The following DOCK3 variants were observed in gnomAD, a reference collection of about 807,000 sequenced individuals.
DOCK3 encodes the protein dedicator of cytokinesis 3, also known as dedicator of cytokinesis protein 3.
A neutral mutation model predicts 265.6 loss-of-function variants in DOCK3; 60 were observed. The ratio of observed to expected loss-of-function variants is 0.23; its 90% CI spans 0.18 to 0.28. The LOEUF (loss-of-function observed/expected upper bound fraction) is 0.28. Ranked by LOEUF, DOCK3 falls within the 10% of genes least tolerant of loss-of-function variation. The pLI is 1.00. For missense variants in DOCK3, 1,981 were observed against 2,594.3 expected (o/e 0.76, Z 5.14); for synonymous variants, 881 against 938.0 (o/e 0.94, Z 1.11).
chr3:51,021,819 G>A (rs995949380), intron 5 of DOCK3, among the ~76,000 whole-genome samples: 12 of 151,848 alleles, frequency 7.9e-5, no homozygotes, highest in African/African-American at 2.4e-4. Context: ...CCACCACCAC[G>A]CCTGGCTAAT....
intron 5 of DOCK3, among the ~76,000 whole-genome samples, chr3:51,056,197 T>C (rs945886457): frequency 6.6e-6 from 1 of 152,332 alleles, no homozygotes; most frequent in African/African-American, 2.4e-5. Context: ...TTCGGCAAAC[T>C]AAAATGAAAG....
At chr3:51,024,857 G>C (rs2108903600) in intron 5 of DOCK3, among the ~76,000 whole-genome samples, 1 of 152,322 alleles carries the variant, frequency 6.6e-6, no homozygotes, top group African/African-American at 2.4e-5. Context: ...AATACTAGTA[G>C]TGAACTTGTC....
At chr3:50,690,422 T>C (rs1319132575) in intron 1 of DOCK3, among the ~76,000 whole-genome samples, 1 of 152,108 alleles carries the variant, frequency 6.6e-6, no homozygotes, top group African/African-American at 2.4e-5. Flanking sequence ...GCATGAGCCA[T>C]TGTGCCCTGC....
At position 51,356,208 on chromosome 3, in the gene DOCK3, G is replaced by A; in HGVS notation, c.4369G>A (p.Asp1457Asn). 6.2e-7 allele frequency: 1 copy of A among 1,613,996 alleles called. No individual in the cohort carries two copies. The highest frequency in any genetic ancestry group is 2.2e-5 in the East Asian group (1 of 44,884). Residue 1457 changes from aspartate (D) to asparagine (N), a missense_variant, in exon 42 of 53, where the codon GAC becomes AAC. Physicochemically the swap from Asp to Asn is conservative, Grantham distance 23. Transcript: ENST00000266037. ...CAACAATGTGAGGAAGTTCCGGTATGACAGGCCTTTTCACAAAGGCCCCAA... is the reference window on the plus strand; with the variant it reads ...CAACAATGTGAGGAAGTTCCGGTATAACAGGCCTTTTCACAAAGGCCCCAA... ...RVNNVRKFRY[D>N]RPFHKGPKDK... is the part of the protein sequence containing the mutation.
intron 49 of DOCK3, among the ~76,000 whole-genome samples, chr3:51,370,621 G>T (rs553836047): frequency 5.9e-5 from 9 of 152,352 alleles, no homozygotes; most frequent in East Asian, 1.9e-4. Flanking sequence ...CTCTTGCCAC[G>T]GGGGCAGGTG....
chr3:51,372,109 G>T (rs1385215275), intron 49 of DOCK3, among the ~76,000 whole-genome samples: 2 of 152,156 alleles, frequency 1.3e-5, no homozygotes, highest in Non-Finnish European at 2.9e-5. Context: ...ATGAGAATAG[G>T]TGCTTTTTTC....
chr3:51,077,552 A>G (rs928641206), intron 7 of DOCK3, among the ~76,000 whole-genome samples: 1 of 152,188 alleles, frequency 6.6e-6, no homozygotes, highest in African/African-American at 2.4e-5. Flanking sequence ...ATAGTTGTAG[A>G]TAGATTAAAT....
chr3:51,301,534 T>C (rs969669057), intron 27 of DOCK3, among the ~76,000 whole-genome samples: 3 of 152,206 alleles, frequency 2.0e-5, no homozygotes, highest in Non-Finnish European at 2.9e-5. Context: ...AGCTTTTTGA[T>C]GTGGGCATTT....
intron 2 of DOCK3, among the ~76,000 whole-genome samples, chr3:50,805,842 G>A (rs1427073417): frequency 6.6e-6 from 1 of 152,108 alleles, no homozygotes; most frequent in Non-Finnish European, 1.5e-5. Context: ...TGTTGTGGAT[G>A]TGCACCTGCT....
At chr3:50,796,810 C>T (rs942830638) in intron 2 of DOCK3, among the ~76,000 whole-genome samples, 3 of 151,360 alleles carry the variant, frequency 2.0e-5, no homozygotes, top group South Asian at 2.1e-4. Context: ...GTTTTGATTG[C>T]GGTATAAGGT....
Position 50,785,029 on chromosome 3 carries a change from C to T in DOCK3, c.121+6271C>T, listed in dbSNP as rs544707119. Among the ~76,000 whole-genome samples the T allele has an allele frequency of 1.9e-4, 29 of 152,116 alleles. No individual in the cohort carries two copies. In the South Asian group the frequency reaches 3.5e-3, roughly 19 times the overall value. ...AAAATTAGCTGGGGGTGGTGGTGCA[C>T]GCCTGTAATCCCAGCTACTTGGGAG... On this transcript the variant is annotated intron_variant, in intron 2 of 52. Coordinates refer to ENST00000266037, the MANE Select transcript of DOCK3 (RefSeq NM_004947.5).
chr3:50,924,651 C>A (rs2050669322), intron 4 of DOCK3, among the ~76,000 whole-genome samples: 1 of 152,216 alleles, frequency 6.6e-6, no homozygotes, highest in Admixed American at 6.5e-5. Flanking sequence ...GTTGGCTAAT[C>A]CACTTGGAAT....
intron 2 of DOCK3, among the ~76,000 whole-genome samples, chr3:50,779,474 C>G (rs1191137031): frequency 1.3e-5 from 2 of 152,120 alleles, no homozygotes; most frequent in Non-Finnish European, 1.5e-5. Flanking sequence ...ACCTCTGCCT[C>G]CCAGGTTCAA....
At chr3:51,284,770 C>T (rs1405178287) in intron 27 of DOCK3, among the ~76,000 whole-genome samples, 8 of 152,174 alleles carry the variant, frequency 5.3e-5, no homozygotes, top group African/African-American at 1.9e-4. Flanking sequence ...ACCCATTCTT[C>T]CTGGAAGGCA....
In DOCK3 at chr3:51,201,959, G is replaced by C. The variant is rs560553497; in HGVS notation, c.1038-6815G>C. On this transcript the variant is annotated intron_variant, in intron 12 of 52. Transcript: ENST00000266037. ...AAGAAATGAAGGCAGAAATAAAGATGTTCTTTGAAACCAATGAGAACAAAG... is the reference window on the plus strand; with the variant it reads ...AAGAAATGAAGGCAGAAATAAAGATCTTCTTTGAAACCAATGAGAACAAAG... Among the ~76,000 whole-genome samples the C allele has an allele frequency of 4.6e-5, 7 of 152,236 alleles. 2 individuals are homozygous for C. Among genetic ancestry groups the C allele is most frequent in the African/African-American group, 1.7e-4 (7 of 41,542 alleles).
chr3:51,016,247 TATCA>T (rs1311231241), intron 5 of DOCK3, among the ~76,000 whole-genome samples: 1 of 2,410 alleles, frequency 4.1e-4, no homozygotes, highest in Non-Finnish European at 5.0e-4. Context: ...TACATATATA[TATCA>T]ATCATATATT....
chr3:51,254,575 G>A (rs559985506), intron 22 of DOCK3, among the ~76,000 whole-genome samples: 1 of 152,306 alleles, frequency 6.6e-6, no homozygotes, highest in African/African-American at 2.4e-5. Flanking sequence ...TATATATTTA[G>A]GATAGTTAGC....
chr3:51,171,058 C>G (rs1342804573), intron 12 of DOCK3, among the ~76,000 whole-genome samples: 1 of 151,552 alleles, frequency 6.6e-6, no homozygotes, highest in Non-Finnish European at 1.5e-5. Context: ...TATTTTTGCC[C>G]TAACTTTCAT....
intron 1 of DOCK3, among the ~76,000 whole-genome samples, chr3:50,711,484 G>A (rs561082511): frequency 2.6e-5 from 4 of 151,938 alleles, no homozygotes; most frequent in Non-Finnish European, 4.4e-5. Context: ...GGATGGTCTC[G>A]ATCTCCTGAC....
Sources: gnomAD v4.1 joint callset for allele counts (sites outside exome capture counted in the v4.1 genomes callset) on GRCh38, gnomAD v4.1.1 for gene constraint, MANE v1.5 for transcripts, NCBI Gene and HGNC (gene_info 2026-07-23, HGNC 2026-07-21) for gene names.